The following PHEX variants were observed in gnomAD, a reference collection of about 807,000 sequenced individuals.
PHEX encodes the protein phosphate regulating endopeptidase X-linked.
A neutral mutation model predicts 68.0 loss-of-function variants in PHEX; 16 were observed. The observed-to-expected ratio is 0.24, with a 90% CI of 0.16 to 0.36. PHEX has a LOEUF of 0.36. Among genes scored for constraint, PHEX ranks in the 10% least tolerant of loss-of-function variants. The pLI is 1.00. For synonymous variants in PHEX, 208 were observed against 205.1 expected, an observed-to-expected ratio of 1.01 and a Z score of -0.12; for missense variants, 480 against 575.5, an observed-to-expected ratio of 0.83 and a Z score of 1.70.
chrX:22,097,513 C>A (rs1228845098), intron 8 of PHEX, among the ~76,000 whole-genome samples: 1 of 111,673 alleles, frequency 9.0e-6, no homozygotes, highest in Non-Finnish European at 1.9e-5. Context: ...CTAGGAAAAA[C>A]AAACAAGCCT....
At chrX:22,176,460 A>T (rs936833594) in intron 13 of PHEX, among the ~76,000 whole-genome samples, 23 of 106,548 alleles carry the variant, frequency 2.2e-4, no homozygotes, top group Non-Finnish European at 3.9e-4. Flanking sequence ...ATTATGAAGC[A>T]TTTCAAATGT....
intron 17 of PHEX, among the ~76,000 whole-genome samples, chrX:22,220,951 A>G (rs772052155): frequency 8.9e-6 from 1 of 112,489 alleles, no homozygotes; most frequent in Non-Finnish European, 1.9e-5. Flanking sequence ...GTGAGCACAT[A>G]GCAAGAAAGC....
chrX:22,115,280 G>A (rs1602307924), intron 11 of PHEX, among the ~76,000 whole-genome samples: 2 of 112,278 alleles, frequency 1.8e-5, no homozygotes, highest in Middle Eastern at 4.6e-3. Context: ...GCAGTGAGCC[G>A]AGATCGCGCC....
chrX:22,220,791 C>T (rs1304342396), intron 17 of PHEX, among the ~76,000 whole-genome samples: 1 of 111,976 alleles, frequency 8.9e-6, no homozygotes, highest in African/African-American at 3.2e-5. Context: ...TGGATTGTTC[C>T]AATTAACAAC....
chrX:22,090,383 A>C, intron 5 of PHEX, 46 bp from the exon 6 acceptor site: 1 of 1,026,976 alleles, frequency 9.7e-7, no homozygotes, highest in Non-Finnish European at 1.4e-6. Flanking sequence ...ATGGTACGTA[A>C]GAATTTACAG....
chrX:22,189,170 A>T (rs755562017), intron 14 of PHEX, among the ~76,000 whole-genome samples: 35 of 112,552 alleles, frequency 3.1e-4, no homozygotes, highest in African/African-American at 1.1e-3. Flanking sequence ...TTCTTTATCC[A>T]TTCACCTGTT....
intron 3 of PHEX, among the ~76,000 whole-genome samples, chrX:22,048,463 T>C (rs1375730748): frequency 9.0e-6 from 1 of 111,583 alleles, no homozygotes; most frequent in African/African-American, 3.3e-5. Flanking sequence ...AATAGACAGA[T>C]GTGTACACAC....
rs1185896085 is a variant in PHEX, at chrX:22,209,674, C to CCCTCCCTCT, written c.1646-3209_1646-3201dup. Among the ~76,000 whole-genome samples, 118 of 104,911 alleles carry CCCTCCCTCT rather than the reference C, an allele frequency of 1.1e-3. 1 individual carries two copies. Among genetic ancestry groups the CCCTCCCTCT allele is most frequent in the African/African-American group, 4.0e-3 (112 of 28,230 alleles). 91.1% of individuals were successfully genotyped at this position (104,911 alleles called of 115,157 possible). A position where few individuals can be genotyped will look rare whatever the true frequency, so the allele number is the denominator to read the frequency against. On this transcript the variant is annotated intron_variant, in intron 15 of 21. Transcript: ENST00000379374. ...AGTTAAACGTCTCTCTCCTTCCTCT[C>CCCTCCCTCT]CCTCCCTCTCCTCCCTCTCCTCCCT... is the stretch of plus-strand genomic sequence containing the variant.
At chrX:22,165,104 C>A in intron 12 of PHEX, among the ~76,000 whole-genome samples, 1 of 111,885 alleles carries the variant, frequency 8.9e-6, no homozygotes. Flanking sequence ...ATGTTTATTT[C>A]TTGAGTGAGG....
At chrX:22,186,444 C>T (rs1386011852) in intron 14 of PHEX, among the ~76,000 whole-genome samples, 1 of 112,282 alleles carries the variant, frequency 8.9e-6, no homozygotes, top group Non-Finnish European at 1.9e-5. Context: ...TAAAAAAGTT[C>T]ACAAACACAT....
At chrX:22,216,500 TTTATTTA>T (rs1569430163) in intron 16 of PHEX, among the ~76,000 whole-genome samples, 1,515 of 83,621 alleles carry the variant, frequency 0.018, 27 homozygotes, top group African/African-American at 0.057. Context: ...TGCTTATTTA[TTTATTTA>T]TTTATTTATT....
intron 12 of PHEX, among the ~76,000 whole-genome samples, chrX:22,154,531 G>A (rs181974384): frequency 8.9e-6 from 1 of 111,768 alleles, no homozygotes; most frequent in Admixed American, 9.5e-5. Flanking sequence ...GACAGAGGGT[G>A]TTACTGGCAT....
At chrX:22,219,191 A>G in intron 17 of PHEX, 88 bp downstream of exon 17, 2 of 646,508 alleles carry the variant, frequency 3.1e-6, no homozygotes, top group Non-Finnish European at 5.1e-6. Flanking sequence ...TTTGCATAGC[A>G]GCAGCATCAT....
intron 15 of PHEX, among the ~76,000 whole-genome samples, chrX:22,204,399 TTTCTC>T (rs769772600): frequency 1.4e-4 from 16 of 112,422 alleles, no homozygotes; most frequent in South Asian, 3.7e-4. Context: ...CAGTATTTCT[TTTCTC>T]TACTGAGTTT....
At chrX:22,103,356 C>A (rs941783193) in intron 9 of PHEX, among the ~76,000 whole-genome samples, 1 of 110,500 alleles carries the variant, frequency 9.0e-6, no homozygotes, top group Admixed American at 9.7e-5. Flanking sequence ...TGTTTGGTTG[C>A]ATGGAAAAAT....
At chrX:22,159,081 A>C (rs1352281569) in intron 12 of PHEX, among the ~76,000 whole-genome samples, 1 of 113,374 alleles carries the variant, frequency 8.8e-6, no homozygotes. Flanking sequence ...AAGCAAAAAC[A>C]AATAAAAATC....
At chrX:22,137,613 G>T (rs1932286704) in intron 12 of PHEX, among the ~76,000 whole-genome samples, 1 of 111,449 alleles carries the variant, frequency 9.0e-6, no homozygotes, top group South Asian at 3.8e-4. Flanking sequence ...CCGGAGCCTG[G>T]TGGTTCTCAA....
chrX:22,104,037 T>A (rs1930552061), intron 9 of PHEX, among the ~76,000 whole-genome samples: 1 of 112,293 alleles, frequency 8.9e-6, no homozygotes, highest in African/African-American at 3.2e-5. Flanking sequence ...GGTTTGGCAC[T>A]TCCCTGATAA....
chrX:22,236,558 G>C (rs1195553982), intron 20 of PHEX, among the ~76,000 whole-genome samples: 1 of 113,015 alleles, frequency 8.8e-6, no homozygotes, highest in South Asian at 3.6e-4. Flanking sequence ...CTAGAGTTGG[G>C]ATTGGCAAAC....
Sources: allele counts gnomAD v4.1 joint callset (sites outside exome capture counted in the v4.1 genomes callset), GRCh38; gene constraint gnomAD v4.1.1; transcripts MANE v1.5; gene names NCBI Gene and HGNC (gene_info 2026-07-23, HGNC 2026-07-21).